Variants in ADCY5 observed in about 807,000 individuals in gnomAD.
The protein encoded by ADCY5 is adenylate cyclase 5.
ADCY5 carries 30 observed loss-of-function variants against 119.7 expected under a neutral mutation model. The ratio of observed to expected loss-of-function variants is 0.25; its 90% CI spans 0.19 to 0.34. The LOEUF is 0.34. Among genes scored for constraint, ADCY5 ranks in the 10% least tolerant of loss-of-function variants. ADCY5 has a pLI of 1.00. For missense variants in ADCY5, 1,324 were observed against 1,775.2 expected, an observed-to-expected ratio of 0.75 and a Z score of 4.57; for synonymous variants, 753 against 762.2, an observed-to-expected ratio of 0.99 and a Z score of 0.20.
In ADCY5 at chr3:123,346,426, A is replaced by G. The variant is rs201883575; in HGVS notation, c.1406+1356T>C. Reference sequence around the variant, plus strand: ...GGGAGACCCCCAAAACTGGGGGCCAATGTGTTATGCAGATACATGTCTCTC... The same window carrying G: ...GGGAGACCCCCAAAACTGGGGGCCAGTGTGTTATGCAGATACATGTCTCTC... On this transcript the variant is annotated intron_variant, in intron 3 of 20. Transcript: ENST00000462833. Among the ~76,000 whole-genome samples, 36 of 152,276 alleles carry G rather than the reference A, an allele frequency of 2.4e-4. No homozygotes were observed. In the East Asian group the frequency reaches 5.6e-3, roughly 24 times the overall value.
intron 1 of ADCY5, among the ~76,000 whole-genome samples, chr3:123,357,488 T>A (rs995522029): frequency 3.3e-5 from 5 of 152,186 alleles, no homozygotes; most frequent in Non-Finnish European, 5.9e-5. Context: ...CAACAGACAG[T>A]GCAAATCCAG....
At chr3:123,380,159 G>A (rs1943982096) in intron 1 of ADCY5, among the ~76,000 whole-genome samples, 1 of 152,204 alleles carries the variant, frequency 6.6e-6, no homozygotes, top group South Asian at 2.1e-4. Context: ...TTTGAACACA[G>A]TTTGGTCTCC....
At chr3:123,339,941 C>T (rs781136857) in intron 3 of ADCY5, among the ~76,000 whole-genome samples, 1 of 152,246 alleles carries the variant, frequency 6.6e-6, no homozygotes, top group Non-Finnish European at 1.5e-5. Flanking sequence ...CTTCTCCATA[C>T]TGCTCTTATT....
chr3:123,298,726 T>C (rs573570597), intron 15 of ADCY5, among the ~76,000 whole-genome samples: 2 of 152,020 alleles, frequency 1.3e-5, no homozygotes, highest in Non-Finnish European at 2.9e-5. Flanking sequence ...TTCATATTTT[T>C]GAATGAATGA....
At chr3:123,434,251 C>T (rs543425362) in intron 1 of ADCY5, among the ~76,000 whole-genome samples, 4 of 152,302 alleles carry the variant, frequency 2.6e-5, no homozygotes, top group East Asian at 3.9e-4. Context: ...GTTCACCTCT[C>T]GGAGCCTCTT....
intron 1 of ADCY5, among the ~76,000 whole-genome samples, chr3:123,363,405 G>A (rs986002987): frequency 4.6e-5 from 7 of 152,210 alleles, no homozygotes; most frequent in South Asian, 2.1e-4. Flanking sequence ...AATGCAAATC[G>A]GCATAACCTT....
At chr3:123,303,884 AAGAGAAGAG>A (rs879490178) in intron 13 of ADCY5, among the ~76,000 whole-genome samples, 174 bp downstream of exon 13, 9,878 of 108,296 alleles carry the variant, frequency 0.091, 445 homozygotes, top group East Asian at 0.33. Flanking sequence ...AAGAGAAGAG[AAGAGAAGAG>A]AAGAAAGAAC....
chr3:123,348,089 GCAGGATACC>G (rs1942658750), intron 2 of ADCY5, among the ~76,000 whole-genome samples, 186 bp from the exon 3 acceptor site: 7 of 148,426 alleles, frequency 4.7e-5, no homozygotes, highest in Admixed American at 1.3e-4. Context: ...GTATGTGTGT[GCAGGATACC>G]TGTCCCCCAT....
chr3:123,297,072 G>A (rs1939561009), intron 16 of ADCY5: 2 of 1,534,222 alleles, frequency 1.3e-6, no homozygotes, highest in African/African-American at 2.7e-5. Context: ...AGAGCTTGAG[G>A]TTAAATGCTT....
chr3:123,407,107 C>T (rs1431390473), intron 1 of ADCY5, among the ~76,000 whole-genome samples: 1 of 152,104 alleles, frequency 6.6e-6, no homozygotes, highest in East Asian at 1.9e-4. Context: ...CCCTCAGCTG[C>T]CCCTCCTGGC....
At chr3:123,315,644 C>T (rs1186268475) in intron 11 of ADCY5, among the ~76,000 whole-genome samples, 1 of 151,394 alleles carries the variant, frequency 6.6e-6, no homozygotes, top group African/African-American at 2.4e-5. Context: ...GGTGTGATCT[C>T]GGCTCACTGC....
At chr3:123,300,440 T>C (rs1409882874) in intron 14 of ADCY5, 145 bp from the exon 15 acceptor site, 14 of 974,776 alleles carry the variant, frequency 1.4e-5, no homozygotes, top group African/African-American at 1.6e-5. Context: ...ACAGGTGTGA[T>C]ATAAAGTGAA....
At chr3:123,412,028 G>A (rs1968891) in intron 1 of ADCY5, among the ~76,000 whole-genome samples, 146,251 of 152,280 alleles carry the variant, frequency 0.96, 70,365 homozygotes, top group South Asian at 0.99. Context: ...AGGCTCTGCC[G>A]GCATCCAGGA....
In ADCY5 at chr3:123,375,283, G is replaced by A. The variant is rs188005915; in HGVS notation, c.1135-22702C>T. Among the ~76,000 whole-genome samples, 6 of 152,358 alleles carry A rather than the reference G, an allele frequency of 3.9e-5. No individual in the cohort carries two copies. The East Asian group carries it at 9.6e-4, about 24-fold the overall frequency. Reference sequence around the variant, plus strand: ...TGTCAAGAACCTGCAGATATAAACAGCTCTGCCTCAGAGAAGGAAGCATAC... The same window carrying A: ...TGTCAAGAACCTGCAGATATAAACAACTCTGCCTCAGAGAAGGAAGCATAC... On this transcript the variant is annotated intron_variant, in intron 1 of 20. Coordinates refer to ENST00000462833, the MANE Select transcript of ADCY5 (RefSeq NM_183357.3).
At chr3:123,443,079 T>A (rs985073482) in intron 1 of ADCY5, among the ~76,000 whole-genome samples, 6 of 152,174 alleles carry the variant, frequency 3.9e-5, no homozygotes, top group Admixed American at 1.3e-4. Context: ...TCCTCCACTC[T>A]ACCCAGCGTC....
At chr3:123,413,204 T>G (rs971551783) in intron 1 of ADCY5, among the ~76,000 whole-genome samples, 7 of 152,190 alleles carry the variant, frequency 4.6e-5, no homozygotes, top group Non-Finnish European at 1.0e-4. Context: ...GACCAGGCTG[T>G]TTTCTTAAGC....
intron 3 of ADCY5, among the ~76,000 whole-genome samples, chr3:123,333,597 G>C (rs916466718): frequency 2.6e-5 from 4 of 152,234 alleles, no homozygotes. Flanking sequence ...CCCAGCCCAG[G>C]AGGAAGGCAG....
intron 1 of ADCY5, among the ~76,000 whole-genome samples, chr3:123,408,343 TTG>T (rs1328398563): frequency 6.1e-5 from 9 of 146,366 alleles, no homozygotes; most frequent in Admixed American, 6.9e-5. Flanking sequence ...GTTACGTTTT[TTG>T]TTTTTTTTTT....
In ADCY5 at chr3:123,327,594, C is replaced by A. The variant is rs373867374; in HGVS notation, c.1947+24G>T. ...TCCCTGGAGGAAGGGAGCCCCTCAG[C>A]CCCCCGGCCCCCAGCCCACAGACCC... On this transcript the variant is annotated intron_variant, in intron 7 of 20. Coordinates refer to ENST00000462833, the MANE Select transcript of ADCY5 (RefSeq NM_183357.3). The A allele has an allele frequency of 3.1e-6, 5 of 1,600,916 alleles. No individual in the cohort carries two copies. In the Admixed American group the frequency reaches 5.1e-5, roughly 16 times the overall value.
Sources: gnomAD v4.1 joint callset for allele counts (sites outside exome capture counted in the v4.1 genomes callset) on GRCh38, gnomAD v4.1.1 for gene constraint, MANE v1.5 for transcripts, NCBI Gene and HGNC (gene_info 2026-07-23, HGNC 2026-07-21) for gene names.